The following MALRD1 variants were observed in gnomAD, a reference collection of about 807,000 sequenced individuals.
The protein encoded by MALRD1 is MAM and LDL receptor class A domain containing 1, also known as MAM and LDL-receptor class A domain-containing protein 1.
MALRD1 carries 247 observed loss-of-function variants against 242.1 expected under a neutral mutation model. That is an observed-to-expected ratio of 1.02 (90% CI 0.92 to 1.13). The LOEUF (loss-of-function observed/expected upper bound fraction) is 1.13. MALRD1 is among the 50% of genes most tolerant of loss of function. The pLI, the probability that MALRD1 is intolerant of heterozygous loss-of-function variation, is 0.00. For synonymous variants in MALRD1, 995 were observed against 866.6 expected, an observed-to-expected ratio of 1.15 and a Z score of -2.60; for missense variants, 2,989 against 2,533.1, an observed-to-expected ratio of 1.18 and a Z score of -3.86.
At chr10:19,491,355 G>A in intron 29 of MALRD1, 162 bp from the exon 30 acceptor site, 1 of 829,078 alleles carries the variant, frequency 1.2e-6, no homozygotes, top group Non-Finnish European at 1.9e-6. Context: ...AACCATTGAA[G>A]GTGGGACTGA....
At chr10:19,169,150 G>A (rs2131516137) in intron 13 of MALRD1, among the ~76,000 whole-genome samples, 1 of 152,098 alleles carries the variant, frequency 6.6e-6, no homozygotes, top group Non-Finnish European at 1.5e-5. Flanking sequence ...TTCATGATAG[G>A]TTTGATTAAA....
At chr10:19,458,424 C>T (rs906217805) in intron 29 of MALRD1, among the ~76,000 whole-genome samples, 5 of 152,044 alleles carry the variant, frequency 3.3e-5, no homozygotes, top group Non-Finnish European at 7.4e-5. Context: ...TATATGGATA[C>T]AAAGATTAAT....
At chr10:19,137,697 C>T (rs533602923) in intron 10 of MALRD1, among the ~76,000 whole-genome samples, 2 of 151,762 alleles carry the variant, frequency 1.3e-5, no homozygotes, top group South Asian at 4.2e-4. Flanking sequence ...TCTTTCAGGC[C>T]TTTTCTGAAG....
chr10:19,494,637 G>C (rs573550399), intron 30 of MALRD1, among the ~76,000 whole-genome samples: 1 of 152,168 alleles, frequency 6.6e-6, no homozygotes, highest in East Asian at 1.9e-4. Context: ...CAATGTAATA[G>C]CAAGTATTAG....
At chr10:19,551,943 C>A (rs1835489634) in intron 32 of MALRD1, among the ~76,000 whole-genome samples, 1 of 152,088 alleles carries the variant, frequency 6.6e-6, no homozygotes, top group Non-Finnish European at 1.5e-5. Context: ...ATGAAGGCTA[C>A]TTGATTGTGG....
Position 19,124,630 on chromosome 10 carries a change from C to T in MALRD1, c.903C>T (p.Phe301=), listed in dbSNP as rs557190007. The T allele has an allele frequency of 5.7e-6, 7 of 1,233,512 alleles. No individual in the cohort carries two copies. The East Asian group carries it at 9.5e-5, about 17-fold the overall frequency. 76.4% of individuals were successfully genotyped at this position (1,233,512 alleles called of 1,614,324 possible). Residue 301 remains phenylalanine (F), a synonymous_variant, in exon 7 of 40, where the codon TTC becomes TTT. Coordinates refer to ENST00000454679, the MANE Select transcript of MALRD1 (RefSeq NM_001142308.3). ...MRTKAREIPA[F]ESTPQQDQGG... is the part of the protein sequence containing the mutation. ...CAAAAGCGAGAGAGATCCCTGCATT[C>T]GAATCCACACCTCAGCAGGATCAAG...
At chr10:19,673,575 T>A (rs1002202549) in intron 36 of MALRD1, among the ~76,000 whole-genome samples, 3 of 152,074 alleles carry the variant, frequency 2.0e-5, no homozygotes, top group Non-Finnish European at 4.4e-5. Context: ...TGCATAAGAT[T>A]TTTTGAGCTT....
rs1838997364 is a variant in MALRD1 at position 19,613,546 on chromosome 10, C to G, written c.6071-2311C>G. 1.3e-5 allele frequency among the ~76,000 whole-genome samples: 2 copies of G among 151,932 alleles called. 1 individual carries two copies. The highest frequency in any genetic ancestry group is 4.2e-4 in the South Asian group (2 of 4,818). ...AACAACTTTCTACCCCCAACCCCACCCTAATCCTTTAGTTCAGGCAACCAT... is the reference window on the plus strand; with the variant it reads ...AACAACTTTCTACCCCCAACCCCACGCTAATCCTTTAGTTCAGGCAACCAT... On this transcript the variant is annotated intron_variant, in intron 35 of 39. Transcript: ENST00000454679.
At chr10:19,683,459 A>G (rs1842456624) in intron 36 of MALRD1, among the ~76,000 whole-genome samples, 1 of 152,192 alleles carries the variant, frequency 6.6e-6, no homozygotes, top group South Asian at 2.1e-4. Flanking sequence ...TGAGAGTGAC[A>G]CTTACTGCAG....
At chr10:19,552,798 A>G (rs1042220684) in intron 32 of MALRD1, among the ~76,000 whole-genome samples, 3 of 152,084 alleles carry the variant, frequency 2.0e-5, no homozygotes, top group Non-Finnish European at 4.4e-5. Flanking sequence ...ACTTATACAC[A>G]ATAAACATCA....
In MALRD1 at chr10:19,066,893, CCCTT is replaced by C. The variant is rs889922397; in HGVS notation, c.340+38_340+41del. On this transcript the variant is annotated intron_variant, in intron 2 of 39. Coordinates refer to ENST00000454679, the MANE Select transcript of MALRD1 (RefSeq NM_001142308.3). ...TTTAAATTTATTTTCTCCCCTCTCTCCCTTCCTCCTTTCCTTCCTTCCCTCCCTT... is the reference window on the plus strand; with the variant it reads ...TTTAAATTTATTTTCTCCCCTCTCTCCCTCCTTTCCTTCCTTCCCTCCCTT... The C allele has an allele frequency of 8.7e-5, 107 of 1,228,668 alleles. 1 individual carries two copies. Among genetic ancestry groups the C allele is most frequent in the Non-Finnish European group, 9.9e-5 (97 of 983,708 alleles). The allele number at this position is 1,228,668 out of a possible 1,614,324, so 76.1% of individuals were successfully genotyped here. A position where few individuals can be genotyped will look rare whatever the true frequency, so the allele number is the denominator to read the frequency against.
At chr10:19,123,847 T>C (rs1484667650) in intron 6 of MALRD1, among the ~76,000 whole-genome samples, 1 of 152,092 alleles carries the variant, frequency 6.6e-6, no homozygotes, top group Non-Finnish European at 1.5e-5. Context: ...TGATTATGAA[T>C]AGTAAATAAT....
intron 18 of MALRD1, among the ~76,000 whole-genome samples, chr10:19,246,266 C>T (rs1189135091): frequency 6.6e-6 from 1 of 152,124 alleles, no homozygotes; most frequent in African/African-American, 2.4e-5. Context: ...AACCAGCTAG[C>T]ATAAATATTC....
chr10:19,397,346 T>G (rs1846628724), intron 28 of MALRD1, among the ~76,000 whole-genome samples: 2 of 152,180 alleles, frequency 1.3e-5, no homozygotes, highest in African/African-American at 4.8e-5. Flanking sequence ...TGAGGTGTCT[T>G]TCTGTACCTG....
At chr10:19,422,941 C>A (rs2130920572) in intron 28 of MALRD1, among the ~76,000 whole-genome samples, 1 of 152,272 alleles carries the variant, frequency 6.6e-6, no homozygotes, top group South Asian at 2.1e-4. Context: ...TAAGTAGGCT[C>A]TGGTATCTCT....
intron 21 of MALRD1, among the ~76,000 whole-genome samples, chr10:19,306,377 G>T (rs552948683): frequency 1.0e-5 from 1 of 99,042 alleles, no homozygotes; most frequent in African/African-American, 3.7e-5. Context: ...TATATATACC[G>T]TGTATAGTAT....
At chr10:19,084,831 T>G (rs1835613154) in intron 2 of MALRD1, among the ~76,000 whole-genome samples, 1 of 152,038 alleles carries the variant, frequency 6.6e-6, no homozygotes, top group African/African-American at 2.4e-5. Context: ...CGTAAACATT[T>G]AAGACTATAA....
chr10:19,600,221 G>A (rs927979051), intron 34 of MALRD1, among the ~76,000 whole-genome samples: 2 of 152,046 alleles, frequency 1.3e-5, no homozygotes, highest in Admixed American at 1.3e-4. Context: ...CCCAACATCC[G>A]ATAGTGATTT....
chr10:19,428,849 A>G (rs2130939008), intron 28 of MALRD1, among the ~76,000 whole-genome samples: 1 of 152,340 alleles, frequency 6.6e-6, no homozygotes, highest in East Asian at 1.9e-4. Context: ...TTCCAGAGAA[A>G]TAACCATAAA....
Sources: gnomAD v4.1 joint callset for allele counts (sites outside exome capture counted in the v4.1 genomes callset) on GRCh38, gnomAD v4.1.1 for gene constraint, MANE v1.5 for transcripts, NCBI Gene and HGNC (gene_info 2026-07-23, HGNC 2026-07-21) for gene names.